Variants in PRR23E observed in about 807,000 individuals in gnomAD.
PRR23E encodes the protein proline-rich protein 23E.
chr3:127,197,398 G>A, the PRR23E span: 100 of 1,554,988 alleles, frequency 6.4e-5, no homozygotes, highest in Middle Eastern at 3.4e-4. Flanking sequence ...GCCCGCCGCC[G>A]CCTCTTTGAG....
chr3:127,197,113 C>G, the PRR23E span: 1 of 1,598,244 alleles, frequency 6.3e-7, no homozygotes, highest in Admixed American at 1.7e-5. Context: ...TTGGCTTCTC[C>G]CACTCTGGGC....
At chr3:127,195,608 C>G in the PRR23E span, among the ~76,000 whole-genome samples, 4 of 152,168 alleles carry the variant, frequency 2.6e-5, no homozygotes, top group African/African-American at 4.8e-5. Context: ...ATAGCGTCCT[C>G]TTGTTCACCT....
the PRR23E span, chr3:127,196,918 A>G: frequency 6.3e-7 from 1 of 1,599,322 alleles, no homozygotes; most frequent in Non-Finnish European, 8.5e-7. Flanking sequence ...TTCTGGGCTT[A>G]CCCGTGGGTG....
the PRR23E span, among the ~76,000 whole-genome samples, chr3:127,194,185 A>G: frequency 2.6e-5 from 4 of 152,154 alleles, no homozygotes; most frequent in Non-Finnish European, 5.9e-5. Flanking sequence ...TCTCCACCAT[A>G]TTAAGTTTTT....
chr3:127,196,556 C>G, the PRR23E span: 4 of 1,416,374 alleles, frequency 2.8e-6, no homozygotes, highest in Non-Finnish European at 3.7e-6. Flanking sequence ...ACCTGGTCTC[C>G]CTGCCCTCTG....
At chr3:127,194,628 C>T in the PRR23E span, among the ~76,000 whole-genome samples, 1 of 152,126 alleles carries the variant, frequency 6.6e-6, no homozygotes, top group Admixed American at 6.5e-5. Flanking sequence ...TCCTCCTGCC[C>T]CCTTTTCCAG....
chr3:127,196,053 A>T, the PRR23E span, among the ~76,000 whole-genome samples: 6 of 152,150 alleles, frequency 3.9e-5, no homozygotes, highest in African/African-American at 1.4e-4. Context: ...AGAACACTCC[A>T]GGAGAAACCT....
chr3:127,193,266 G>A, the PRR23E span: 1 of 152,366 alleles, frequency 6.6e-6, no homozygotes, highest in Admixed American at 6.5e-5. Context: ...GTTCTAGAAA[G>A]ACCAAGTGGG....
chr3:127,195,464 C>A, the PRR23E span, among the ~76,000 whole-genome samples: 2 of 152,122 alleles, frequency 1.3e-5, no homozygotes, highest in Admixed American at 1.3e-4. Context: ...CCCAGGAAGT[C>A]CCTCCCTGCC....
chr3:127,193,839 T>C, the PRR23E span, among the ~76,000 whole-genome samples: 1 of 152,260 alleles, frequency 6.6e-6, no homozygotes, highest in Admixed American at 6.5e-5. Flanking sequence ...CAAAGTTCCA[T>C]TTTTGTAATT....
the PRR23E span, among the ~76,000 whole-genome samples, chr3:127,195,022 G>C: frequency 2.6e-5 from 4 of 152,178 alleles, no homozygotes; most frequent in Non-Finnish European, 5.9e-5. Context: ...CCAGCCAGGA[G>C]AAAGAGCGCT....
chr3:127,197,498 A>G, the PRR23E span: 1 of 1,231,250 alleles, frequency 8.1e-7, no homozygotes, highest in Non-Finnish European at 1.1e-6. Flanking sequence ...AGTTTTTGGA[A>G]GAGTCTCAGA....
the PRR23E span, chr3:127,197,163 A>T: frequency 1.9e-6 from 3 of 1,591,102 alleles, no homozygotes; most frequent in South Asian, 3.3e-5. Flanking sequence ...GGGATGCTGG[A>T]CTCCAGCCAG....
At chr3:127,196,110 G>T in the PRR23E span, among the ~76,000 whole-genome samples, 1 of 152,138 alleles carries the variant, frequency 6.6e-6, no homozygotes, top group Non-Finnish European at 1.5e-5. Flanking sequence ...GAAATGTTTT[G>T]GGAGGTCCTG....
At chr3:127,196,470 C>T in the PRR23E span, 2 of 696,130 alleles carry the variant, frequency 2.9e-6, no homozygotes, top group Non-Finnish European at 4.6e-6. Flanking sequence ...CCCCATCCTC[C>T]CTGGAGATGC....
chr3:127,195,282 T>G, the PRR23E span, among the ~76,000 whole-genome samples: 3 of 152,158 alleles, frequency 2.0e-5, no homozygotes, highest in African/African-American at 7.2e-5. Flanking sequence ...CATCCATTTC[T>G]CTTCCTTTCC....
At chr3:127,194,419 G>A in the PRR23E span, among the ~76,000 whole-genome samples, 2 of 152,230 alleles carry the variant, frequency 1.3e-5, no homozygotes, top group African/African-American at 4.8e-5. Flanking sequence ...TGTGCCACAG[G>A]TTGGACTAGC....
the PRR23E span, among the ~76,000 whole-genome samples, chr3:127,194,107 T>C: frequency 6.6e-6 from 1 of 152,238 alleles, no homozygotes; most frequent in African/African-American, 2.4e-5. Flanking sequence ...TAACCAGATA[T>C]TCAATTTTTA....
the PRR23E span, among the ~76,000 whole-genome samples, chr3:127,196,424 G>A: frequency 5.3e-5 from 8 of 152,208 alleles, no homozygotes; most frequent in East Asian, 1.4e-3. Flanking sequence ...CCCTCCCACT[G>A]CAGGGGCCAC....
Sources: allele counts gnomAD v4.1 joint callset (sites outside exome capture counted in the v4.1 genomes callset), GRCh38; gene constraint gnomAD v4.1.1; transcripts MANE v1.5; gene names NCBI Gene and HGNC (gene_info 2026-07-23, HGNC 2026-07-21).